The following EDDM13 variants were observed in gnomAD, a reference collection of about 807,000 sequenced individuals.
EDDM13 encodes epididymal protein 13.
EDDM13 carries 24 observed loss-of-function variants against 17.8 expected under a neutral mutation model. The ratio of observed to expected loss-of-function variants is 1.35; its 90% CI spans 0.98 to 1.90. The LOEUF (loss-of-function observed/expected upper bound fraction) is 1.90, where lower values mean the gene tolerates loss of function less well. Among genes scored for constraint, EDDM13 ranks in the 40% most tolerant of loss-of-function variants. The pLI, the probability that EDDM13 is intolerant of heterozygous loss-of-function variation, is 0.00. For missense variants in EDDM13, 97 were observed against 100.8 expected (o/e 0.96, Z 0.16); for synonymous variants, 31 against 37.5 (o/e 0.83, Z 0.63).
chr19:56,305,910 C>T (rs561580957), intron 14 of EDDM13, among the ~76,000 whole-genome samples: 42 of 149,146 alleles, frequency 2.8e-4, no homozygotes, highest in African/African-American at 1.0e-3. Context: ...CTGGCTTGTA[C>T]GAAGGCCCTG....
chr19:56,289,969 T>A (rs147369592), intron 8 of EDDM13, among the ~76,000 whole-genome samples: 2 of 152,128 alleles, frequency 1.3e-5, no homozygotes, highest in African/African-American at 2.4e-5. Context: ...TTAGAAGGAG[T>A]TGAAGAAAAC....
At chr19:56,293,019 T>A (rs1173040194) in intron 9 of EDDM13, among the ~76,000 whole-genome samples, 5 of 152,220 alleles carry the variant, frequency 3.3e-5, no homozygotes, top group Non-Finnish European at 7.3e-5. Context: ...ACTCTTCTTT[T>A]GGTCCACATT....
chr19:56,284,223 T>G lies in EDDM13; in HGVS notation c.127+17T>G. On this transcript the variant is annotated intron_variant, in intron 5 of 14. Transcript: ENST00000649256. The stretch of plus-strand genomic sequence containing the variant: ...GGATCATAGGTAAGTACCTTGCCAC[T>G]TCACAATGCCCCCAGACTGTGCACT... 4.1e-6 allele frequency: 4 copies of G among 978,866 alleles called. No homozygotes were observed. Among genetic ancestry groups the G allele is most frequent in the Non-Finnish European group, 4.9e-6 (4 of 823,916 alleles). The allele number at this position is 978,866 out of a possible 1,614,324, so 60.6% of individuals were successfully genotyped here. A position where few individuals can be genotyped will look rare whatever the true frequency, so the allele number is the denominator to read the frequency against.
chr19:56,303,023 G>A (rs1348283211), intron 13 of EDDM13: 7 of 396,334 alleles, frequency 1.8e-5, no homozygotes, highest in Non-Finnish European at 3.1e-5. Flanking sequence ...CTCAGCCTAG[G>A]GGAAGTGTGG....
rs929306957 is a variant in EDDM13, at chr19:56,301,875, T to C, written c.296-93T>C. 11 of 1,226,664 alleles carry C rather than the reference T, an allele frequency of 9.0e-6. No homozygotes were observed. In the East Asian group the frequency reaches 2.8e-4, roughly 32 times the overall value. 76.0% of individuals were successfully genotyped at this position (1,226,664 alleles called of 1,614,324 possible). On this transcript the variant is annotated intron_variant, in intron 12 of 14. Coordinates refer to ENST00000649256, the MANE Select transcript of EDDM13 (RefSeq NM_001354658.2). ...TCAGGAGGCAGGCAGAGATGTGAGT[T>C]TGGAGATCAGAATGGAGAGACAGCA...
At chr19:56,302,748 C>T in intron 13 of EDDM13, 1 of 312,754 alleles carries the variant, frequency 3.2e-6, no homozygotes, top group Non-Finnish European at 5.8e-6. Context: ...GATAAAACTT[C>T]TCCCTTCTGC....
intron 13 of EDDM13, among the ~76,000 whole-genome samples, chr19:56,302,513 C>CCTCCCTCCCTCCCTCTT (rs1298772794): frequency 1.3e-4 from 4 of 31,742 alleles, no homozygotes; most frequent in African/African-American, 8.2e-4. Flanking sequence ...GCCCTTCTTT[C>CCTCCCTCCCTCCCTCTT]CTTCCTCCCT....
chr19:56,301,076 G>A (rs1356007000), intron 12 of EDDM13, among the ~76,000 whole-genome samples: 4 of 152,066 alleles, frequency 2.6e-5, no homozygotes, highest in African/African-American at 9.7e-5. Flanking sequence ...CCAGAAAGGG[G>A]TCCCGATCAA....
chr19:56,287,440 C>T (rs1213880629), intron 6 of EDDM13, among the ~76,000 whole-genome samples: 1 of 152,214 alleles, frequency 6.6e-6, no homozygotes, highest in African/African-American at 2.4e-5. Context: ...CGGAGCTACA[C>T]AGTCTTCTCC....
At chr19:56,276,684 C>T (rs529806749) in intron 2 of EDDM13, among the ~76,000 whole-genome samples, 19 of 151,892 alleles carry the variant, frequency 1.3e-4, no homozygotes, top group East Asian at 9.7e-4. Flanking sequence ...CTACAGGCTG[C>T]GCGCCACCAT....
At chr19:56,297,890 T>C (rs1301454676) in intron 12 of EDDM13, 1 of 152,018 alleles carries the variant, frequency 6.6e-6, no homozygotes, top group Non-Finnish European at 1.5e-5. Context: ...AGCCACCAAG[T>C]GATCCAGATG....
intron 8 of EDDM13, among the ~76,000 whole-genome samples, chr19:56,289,825 G>A (rs1005257064): frequency 6.6e-6 from 1 of 152,070 alleles, no homozygotes. Flanking sequence ...TGTTGCTCAG[G>A]CTGATCTTGA....
At chr19:56,302,563 C>CTTCCTTTTCTTCCTCCCTCCCTCCCCT (rs150005575) in intron 13 of EDDM13, among the ~76,000 whole-genome samples, 1 of 92,966 alleles carries the variant, frequency 1.1e-5, no homozygotes, top group East Asian at 3.6e-4. Flanking sequence ...CTCCCTCCCC[C>CTTCCTTTTCTTCCTCCCTCCCTCCCCT]CTTCCTTTTC....
At chr19:56,280,131 G>A (rs1408568638) in intron 2 of EDDM13, among the ~76,000 whole-genome samples, 1 of 152,060 alleles carries the variant, frequency 6.6e-6, no homozygotes, top group Non-Finnish European at 1.5e-5. Flanking sequence ...AAACAAATGT[G>A]TATTTATATA....
intron 12 of EDDM13, 91 bp from the exon 13 acceptor site, chr19:56,301,877 G>A (rs1048222980): frequency 2.4e-5 from 30 of 1,227,122 alleles, no homozygotes; most frequent in Non-Finnish European, 2.6e-5. Context: ...ATGTGAGTTT[G>A]GAGATCAGAA....
At chr19:56,301,090 C>T (rs527756415) in intron 12 of EDDM13, among the ~76,000 whole-genome samples, 2 of 152,124 alleles carry the variant, frequency 1.3e-5, no homozygotes, top group Admixed American at 1.3e-4. Context: ...CGATCAAGAC[C>T]CCCAGAGAGG....
rs1347245373 is a variant in EDDM13 at position 56,277,164 on chromosome 19, C to T, written c.103+1055C>T. Among the ~76,000 whole-genome samples, 3 of 152,146 alleles carry T rather than the reference C, an allele frequency of 2.0e-5. No individual in the cohort carries two copies. The East Asian group carries it at 5.8e-4, about 29-fold the overall frequency. ...CCTCAAAATGTTAAACACTGAGTTA[C>T]TCAGCAATTCCGCTCTAGGTATGTG... is the stretch of plus-strand genomic sequence containing the variant. On this transcript the variant is annotated intron_variant, in intron 2 of 14. Coordinates refer to ENST00000649256, the MANE Select transcript of EDDM13 (RefSeq NM_001354658.2).
chr19:56,299,163 G>A lies in EDDM13; in HGVS notation c.295+1632G>A, dbSNP rs539068484. Among the ~76,000 whole-genome samples the A allele has an allele frequency of 2.4e-4, 37 of 152,058 alleles. No individual in the cohort carries two copies. The South Asian group carries it at 6.4e-3, about 26-fold the overall frequency. ...TATTTTTTTTTTGAGACACGGTCTA[G>A]CTTTGTTGCCCAGGCTGGAGTGCAG... On this transcript the variant is annotated intron_variant, in intron 12 of 14. Transcript: ENST00000649256.
chr19:56,302,415 C>T (rs2040313108), intron 13 of EDDM13, among the ~76,000 whole-genome samples: 1 of 142,118 alleles, frequency 7.0e-6, no homozygotes, highest in Non-Finnish European at 1.5e-5. Context: ...CTCCTCCCTT[C>T]ATCCCTCCCT....
Sources: allele counts gnomAD v4.1 joint callset (sites outside exome capture counted in the v4.1 genomes callset), GRCh38; gene constraint gnomAD v4.1.1; transcripts MANE v1.5; gene names NCBI Gene and HGNC (gene_info 2026-07-23, HGNC 2026-07-21).